The following CUL5 variants were observed in gnomAD, a reference collection of about 807,000 sequenced individuals.
CUL5 encodes the protein cullin 5.
CUL5 carries 26 observed loss-of-function variants against 108.8 expected under a neutral mutation model. The ratio of observed to expected loss-of-function variants is 0.24; its 90% confidence interval spans 0.18 to 0.33. The LOEUF (loss-of-function observed/expected upper bound fraction) is 0.33, where lower values mean the gene tolerates loss of function less well. Ranked by LOEUF, CUL5 falls within the 10% of genes least tolerant of loss-of-function variation. The probability of loss-of-function intolerance (pLI) is 1.00; values close to 1 mark genes in which losing one functional copy is unlikely to be tolerated. For synonymous variants in CUL5, 334 were observed against 298.0 expected (o/e 1.12, Z -1.25); for missense variants, 524 against 909.2 (o/e 0.58, Z 5.45).
chr11:108,064,765 T>C (rs1289099676), intron 7 of CUL5, among the ~76,000 whole-genome samples: 1 of 152,090 alleles, frequency 6.6e-6, no homozygotes, highest in Non-Finnish European at 1.5e-5. Context: ...TTGTTGAGGA[T>C]TTTTGCATCA....
rs1010806610 is a variant in CUL5 at position 108,038,928 on chromosome 11, T to A, written c.134+5017T>A. On this transcript the variant is annotated intron_variant, in intron 2 of 18. Transcript: ENST00000393094. ...CCCTTTTCTCCTAATCTATATTCTT[T>A]CTCTATTGAAGTACTCTTGGTATTT... Among the ~76,000 whole-genome samples, 18 of 152,258 alleles carry A rather than the reference T, an allele frequency of 1.2e-4. No individual in the cohort carries two copies. In the South Asian group the frequency reaches 2.1e-3, roughly 18 times the overall value.
rs1184960882 is a variant in CUL5 at position 108,052,755 on chromosome 11, A to T, written c.507A>T (p.Gly169=). 1 of 1,613,862 alleles carries T rather than the reference A, an allele frequency of 6.2e-7. No individual in the cohort carries two copies. The highest frequency in any genetic ancestry group is 8.5e-7 in the Non-Finnish European group (1 of 1,179,824). Residue 169 remains glycine (G), a synonymous_variant, in exon 5 of 19, where the codon GGA becomes GGT. Coordinates refer to ENST00000393094, the MANE Select transcript of CUL5 (RefSeq NM_003478.6). The part of the protein sequence containing the change: ...AMKLVHAERL[G]EAFDSQLVIG... Reference sequence around the variant, plus strand: ...AGCTGGTACATGCTGAGAGATTGGGAGAAGCTTTTGATTCTCAGCTGGTTA... The same window carrying T: ...AGCTGGTACATGCTGAGAGATTGGGTGAAGCTTTTGATTCTCAGCTGGTTA...
At chr11:108,010,212 TG>T (rs1488992807) in intron 1 of CUL5, among the ~76,000 whole-genome samples, 1 of 152,194 alleles carries the variant, frequency 6.6e-6, no homozygotes, top group Non-Finnish European at 1.5e-5. Context: ...CGGACAGAAA[TG>T]GGGGTAGTGA....
chr11:108,027,325 G>A (rs1011893729), intron 1 of CUL5, among the ~76,000 whole-genome samples: 9 of 151,278 alleles, frequency 5.9e-5, no homozygotes, highest in African/African-American at 2.2e-4. Flanking sequence ...AGGCTGGAGT[G>A]CAGTGGCACA....
chr11:108,064,214 T>G (rs1433657965), intron 7 of CUL5, among the ~76,000 whole-genome samples: 1 of 152,228 alleles, frequency 6.6e-6, no homozygotes. Context: ...ACCCAGTGTT[T>G]TGATGGTTTG....
chr11:108,082,360 A>G (rs184508790), intron 11 of CUL5, among the ~76,000 whole-genome samples: 2 of 150,834 alleles, frequency 1.3e-5, no homozygotes, highest in Admixed American at 6.6e-5. Flanking sequence ...GGCTCACTGC[A>G]GTGTTGCCCT....
chr11:108,063,279 C>G lies in CUL5; in HGVS notation c.781-6817C>G, dbSNP rs558359520. On this transcript the variant is annotated intron_variant, in intron 7 of 18. Coordinates refer to ENST00000393094, the MANE Select transcript of CUL5 (RefSeq NM_003478.6). ...CAATTGTTTTAATTTTTAGCTTCCA[C>G]AAATGAGTGAGATCGTGTGAAGTTC... Among the ~76,000 whole-genome samples, 9 of 152,332 alleles carry G rather than the reference C, an allele frequency of 5.9e-5. No homozygotes were observed. The South Asian group carries it at 1.4e-3, about 25-fold the overall frequency.
At chr11:108,046,475 A>G (rs1444028591) in intron 3 of CUL5, 106 bp downstream of exon 3, 13 of 620,858 alleles carry the variant, frequency 2.1e-5, no homozygotes, top group African/African-American at 3.7e-5. Flanking sequence ...AAAATATTGC[A>G]TTGACTTTTG....
intron 11 of CUL5, among the ~76,000 whole-genome samples, chr11:108,079,206 C>T (rs1236793295): frequency 2.0e-5 from 3 of 152,198 alleles, no homozygotes; most frequent in Admixed American, 6.5e-5. Context: ...CGGATTCAAG[C>T]AATTCTTCTG....
In CUL5 at chr11:108,009,333, G is replaced by C. The variant is rs1426662941; in HGVS notation, c.-16G>C. 2 of 1,612,918 alleles carry C rather than the reference G, an allele frequency of 1.2e-6. No homozygotes were observed. The highest frequency in any genetic ancestry group is 1.7e-5 in the Admixed American group (1 of 59,968). Reference sequence around the variant, plus strand: ...CGAATTCTCGCGTCGTCTCGCGAGAGTCCAAGTTAAAGAACATGGCGACGT... The same window carrying C: ...CGAATTCTCGCGTCGTCTCGCGAGACTCCAAGTTAAAGAACATGGCGACGT... On this transcript the variant is annotated 5_prime_UTR_variant, in exon 1 of 19. Coordinates refer to ENST00000393094, the MANE Select transcript of CUL5 (RefSeq NM_003478.6).
At chr11:108,078,028 C>A (rs1323374707) in intron 10 of CUL5, 148 bp from the exon 11 acceptor site, 5 of 494,830 alleles carry the variant, frequency 1.0e-5, no homozygotes, top group African/African-American at 6.1e-5. Flanking sequence ...AAAGAACTTG[C>A]TAAAGTCTTT....
At position 108,033,853 on chromosome 11, in the gene CUL5, G is replaced by A; in HGVS notation, c.76G>A (p.Val26Ile). 6.2e-7 allele frequency: 1 copy of A among 1,612,464 alleles called. No individual in the cohort carries two copies. Among genetic ancestry groups the A allele is most frequent in the Non-Finnish European group, 8.5e-7 (1 of 1,179,356 alleles). The part of the protein sequence containing the change: ...EDKWDFMRPI[V>I]LKLLRQESVT... The stretch of plus-strand genomic sequence containing the variant: ...CAAATGGGATTTTATGCGCCCGATT[G>A]TTTTGAAGCTTTTACGCCAGGAATC... The change falls in exon 2 of 19, where the codon GTT becomes ATT. Residue 26 changes from valine (V) to isoleucine (I), a missense_variant. Transcript: ENST00000393094.
At position 108,105,866 on chromosome 11, in the gene CUL5, T is replaced by G. The variant is rs1305603901; in HGVS notation, c.*1482T>G. ...GAGTACAGAAAGGCATACAGTATTA[T>G]GTTACAGTGGAGTGCTTTCAAGAGC... On this transcript the variant is annotated 3_prime_UTR_variant, in exon 19 of 19. Transcript: ENST00000393094. The G allele has an allele frequency of 2.6e-5, 4 of 152,178 alleles. No individual in the cohort carries two copies. Among genetic ancestry groups the G allele is most frequent in the Non-Finnish European group, 5.9e-5 (4 of 68,004 alleles). 9.4% of individuals were successfully genotyped at this position (152,178 alleles called of 1,614,324 possible). A position where few individuals can be genotyped will look rare whatever the true frequency, so the allele number is the denominator to read the frequency against.
At chr11:108,009,479 T>C in intron 1 of CUL5, 107 bp downstream of exon 1, 3 of 1,243,032 alleles carry the variant, frequency 2.4e-6, no homozygotes, top group South Asian at 1.3e-5. Flanking sequence ...TGTTCAGGGG[T>C]TGTCCACTGG....
intron 1 of CUL5, among the ~76,000 whole-genome samples, chr11:108,026,738 C>A (rs1336013237): frequency 6.6e-6 from 1 of 152,140 alleles, no homozygotes; most frequent in Non-Finnish European, 1.5e-5. Context: ...CGTTTGTAAT[C>A]CCAGCACTTT....
chr11:108,013,017 T>A (rs144411281), intron 1 of CUL5, among the ~76,000 whole-genome samples: 1 of 152,172 alleles, frequency 6.6e-6, no homozygotes, highest in Non-Finnish European at 1.5e-5. Flanking sequence ...CTTAATGATA[T>A]GGCTTACTCT....
intron 8 of CUL5, among the ~76,000 whole-genome samples, chr11:108,072,027 A>T (rs1863837284): frequency 6.6e-6 from 1 of 152,062 alleles, no homozygotes; most frequent in Non-Finnish European, 1.5e-5. Flanking sequence ...ATTACAAAAA[A>T]CATTAGCCAG....
chr11:108,089,716 C>A, intron 13 of CUL5, 93 bp downstream of exon 13: 1 of 711,324 alleles, frequency 1.4e-6, no homozygotes, highest in Non-Finnish European at 2.1e-6. Context: ...TTGTTAATGT[C>A]AAAGAAGTAG....
intron 5 of CUL5, among the ~76,000 whole-genome samples, chr11:108,054,193 T>C (rs903882487): frequency 6.6e-6 from 1 of 152,196 alleles, no homozygotes; most frequent in Non-Finnish European, 1.5e-5. Flanking sequence ...CCAGGGCATC[T>C]TCACAACCAT....
Sources: allele counts gnomAD v4.1 joint callset (sites outside exome capture counted in the v4.1 genomes callset), GRCh38; gene constraint gnomAD v4.1.1; transcripts MANE v1.5; gene names NCBI Gene and HGNC (gene_info 2026-07-23, HGNC 2026-07-21).